The following SGCG variants were observed in gnomAD, a reference collection of about 807,000 sequenced individuals.
The protein encoded by SGCG is sarcoglycan gamma.
SGCG carries 26 observed loss-of-function variants against 29.3 expected under a neutral mutation model. The ratio of observed to expected loss-of-function variants is 0.89; its 90% CI spans 0.65 to 1.23. SGCG has a LOEUF of 1.23. Among genes scored for constraint, SGCG ranks in the 50% most tolerant of loss-of-function variants. The probability of loss-of-function intolerance (pLI) is 0.00; values close to 1 mark genes in which losing one functional copy is unlikely to be tolerated. For synonymous variants in SGCG, 145 were observed against 129.7 expected (o/e 1.12, Z -0.80); for missense variants, 353 against 356.0 (o/e 0.99, Z 0.07).
intron 7 of SGCG, 130 bp from the exon 8 acceptor site, chr13:23,324,238 A>G: frequency 1.3e-6 from 1 of 797,216 alleles, no homozygotes; most frequent in South Asian, 1.5e-5. Context: ...AATGAGTTAC[A>G]TAAAGTCAGG....
chr13:23,217,066 G>A (rs761195832), intron 2 of SGCG, among the ~76,000 whole-genome samples: 2 of 152,006 alleles, frequency 1.3e-5, no homozygotes, highest in Non-Finnish European at 2.9e-5. Context: ...CCACCACTCC[G>A]GGTATATAAA....
At chr13:23,170,370 T>C in the SGCG span, among the ~76,000 whole-genome samples, 1 of 152,048 alleles carries the variant, frequency 6.6e-6, no homozygotes, top group Admixed American at 6.6e-5. Context: ...TATACACACA[T>C]TAATTGAAAT....
At chr13:23,254,501 CAA>C (rs879761489) in intron 4 of SGCG, among the ~76,000 whole-genome samples, 16 of 140,260 alleles carry the variant, frequency 1.1e-4, no homozygotes, top group African/African-American at 3.6e-4. Flanking sequence ...GATATAAGAG[CAA>C]AAAAAAAAAC....
intron 4 of SGCG, chr13:23,268,992 A>G (rs886783103): frequency 6.6e-6 from 1 of 152,100 alleles, no homozygotes; most frequent in Non-Finnish European, 1.5e-5. Flanking sequence ...GAAAACCAAT[A>G]TGAGTGCAGT....
chr13:23,174,555 AAGAT>A, the SGCG span, among the ~76,000 whole-genome samples: 1 of 152,188 alleles, frequency 6.6e-6, no homozygotes, highest in Non-Finnish European at 1.5e-5. Context: ...GGAGACAACT[AAGAT>A]AGAATGTCAG....
At chr13:23,316,845 A>G (rs1406693783) in intron 6 of SGCG, among the ~76,000 whole-genome samples, 1 of 152,198 alleles carries the variant, frequency 6.6e-6, no homozygotes, top group Non-Finnish European at 1.5e-5. Flanking sequence ...GGCTCCTCCT[A>G]TGTTTAAGTC....
At chr13:23,183,951 C>A (rs933111282) in intron 1 of SGCG, among the ~76,000 whole-genome samples, 1 of 152,214 alleles carries the variant, frequency 6.6e-6, no homozygotes, top group African/African-American at 2.4e-5. Context: ...CAGGCATGAG[C>A]CACCATGCCC....
chr13:23,165,716 G>A, the SGCG span, among the ~76,000 whole-genome samples: 5 of 151,986 alleles, frequency 3.3e-5, no homozygotes, highest in Middle Eastern at 3.4e-3. Context: ...TAGTAGAGAC[G>A]GGGTTTCACC....
At chr13:23,294,476 A>G (rs1481275150) in intron 5 of SGCG, among the ~76,000 whole-genome samples, 4 of 152,084 alleles carry the variant, frequency 2.6e-5, no homozygotes, top group East Asian at 1.9e-4. Flanking sequence ...CAATCTCCAT[A>G]TGTTCATAAA....
intron 6 of SGCG, 23 bp from the exon 7 acceptor site, chr13:23,320,614 T>TTTTG: frequency 5.1e-6 from 7 of 1,363,016 alleles, no homozygotes; most frequent in East Asian, 2.9e-5. Flanking sequence ...TTTTTTTTTT[T>TTTTG]GTGCTTCTTT....
intron 5 of SGCG, among the ~76,000 whole-genome samples, chr13:23,286,082 C>T (rs1292243484): frequency 1.3e-5 from 2 of 152,190 alleles, no homozygotes; most frequent in Admixed American, 6.5e-5. Context: ...CACCAACCAA[C>T]AATGGGTAAC....
At chr13:23,315,395 C>T (rs1882767726) in intron 6 of SGCG, among the ~76,000 whole-genome samples, 1 of 152,176 alleles carries the variant, frequency 6.6e-6, no homozygotes, top group South Asian at 2.1e-4. Flanking sequence ...CCTGAAGGCA[C>T]ATGTAAGTTA....
chr13:23,250,570 A>G (rs1879920703), intron 3 of SGCG, 60 bp from the exon 4 acceptor site: 4 of 806,744 alleles, frequency 5.0e-6, no homozygotes, highest in Admixed American at 3.8e-5. Flanking sequence ...ACACAGAATT[A>G]TAAAGATATA....
intron 2 of SGCG, among the ~76,000 whole-genome samples, chr13:23,218,243 A>AT (rs896528875): frequency 1.3e-5 from 2 of 152,174 alleles, no homozygotes; most frequent in Non-Finnish European, 2.9e-5. Flanking sequence ...TTATACATCT[A>AT]TATTTTGGTC....
At chr13:23,320,585 CT>C in intron 6 of SGCG, 51 bp from the exon 7 acceptor site, 3 of 1,471,506 alleles carry the variant, frequency 2.0e-6, no homozygotes, top group Non-Finnish European at 2.8e-6. Context: ...GCTGGAGTGG[CT>C]ATTTTTAATA....
the SGCG span, among the ~76,000 whole-genome samples, chr13:23,166,468 A>G: frequency 2.0e-5 from 3 of 152,200 alleles, no homozygotes; most frequent in African/African-American, 7.2e-5. Context: ...TGCTGGGATT[A>G]CAGGCCTGAG....
chr13:23,224,995 C>T (rs921859019), intron 2 of SGCG, among the ~76,000 whole-genome samples: 1 of 152,144 alleles, frequency 6.6e-6, no homozygotes, highest in Non-Finnish European at 1.5e-5. Context: ...GCACCCACTA[C>T]GAGCTCATGA....
chr13:23,235,419 CT>C (rs1879272548), intron 3 of SGCG, among the ~76,000 whole-genome samples: 1 of 151,832 alleles, frequency 6.6e-6, no homozygotes, highest in Non-Finnish European at 1.5e-5. Flanking sequence ...GTATTATGTT[CT>C]GCACTTATTA....
At chr13:23,195,552 G>T (rs183041371) in intron 1 of SGCG, among the ~76,000 whole-genome samples, 3 of 151,936 alleles carry the variant, frequency 2.0e-5, no homozygotes, top group Middle Eastern at 3.4e-3. Context: ...TACTTAAAGG[G>T]CATTTATTCT....
Sources: gnomAD v4.1 joint callset for allele counts (sites outside exome capture counted in the v4.1 genomes callset) on GRCh38, gnomAD v4.1.1 for gene constraint, MANE v1.5 for transcripts, NCBI Gene and HGNC (gene_info 2026-07-23, HGNC 2026-07-21) for gene names.